XIRP2: variants seen among roughly 807,000 people sequenced by gnomAD.
XIRP2 encodes xin actin binding repeat containing 2.
XIRP2 carries 236 observed loss-of-function variants against 277.0 expected under a neutral mutation model. That is an observed-to-expected ratio of 0.85 (90% CI 0.77 to 0.95). The LOEUF (loss-of-function observed/expected upper bound fraction) is 0.95, where lower values mean the gene tolerates loss of function less well. Ranked by LOEUF, XIRP2 falls within the 40% of genes least tolerant of loss-of-function variation. The pLI, the probability that XIRP2 is intolerant of heterozygous loss-of-function variation, is 0.00. For missense variants in XIRP2, 4,640 were observed against 4,157.5 expected, an observed-to-expected ratio of 1.12 and a Z score of -3.19; for synonymous variants, 1,490 against 1,416.5, an observed-to-expected ratio of 1.05 and a Z score of -1.17.
intron 2 of XIRP2, among the ~76,000 whole-genome samples, chr2:167,042,518 AAACG>A (rs1424779848): frequency 6.6e-6 from 1 of 152,140 alleles, no homozygotes; most frequent in African/African-American, 2.4e-5. Context: ...ATAGAAAATG[AAACG>A]AACGAACAAA....
At chr2:166,952,038 T>G (rs1320320195) in intron 2 of XIRP2, among the ~76,000 whole-genome samples, 1 of 152,044 alleles carries the variant, frequency 6.6e-6, no homozygotes, top group Non-Finnish European at 1.5e-5. Flanking sequence ...GATAATAACA[T>G]TACCTGCCCT....
In XIRP2 at chr2:167,246,785, T is replaced by G. The variant is rs746460129; in HGVS notation, c.5393T>G (p.Leu1798Arg). ...TKLLLKKRQS[L>R]VERTVSETDI... ...CTGTTACTGAAGAAAAGGCAGTCTC[T>G]GGTTGAACGTACTGTTAGTGAAACT... The change falls in exon 9 of 11, where the codon CTG becomes CGG. Residue 1798 changes from leucine (L) to arginine (R), a missense_variant. Coordinates refer to ENST00000409195, the MANE Select transcript of XIRP2 (RefSeq NM_152381.6). 6.2e-7 allele frequency: 1 copy of G among 1,613,894 alleles called. No homozygotes were observed. The highest frequency in any genetic ancestry group is 8.5e-7 in the Non-Finnish European group (1 of 1,179,852).
At chr2:167,179,521 C>T (rs550893044) in intron 3 of XIRP2, among the ~76,000 whole-genome samples, 97 of 152,062 alleles carry the variant, frequency 6.4e-4, no homozygotes, top group African/African-American at 2.2e-3. Flanking sequence ...AGGGTTTCAC[C>T]GTATTAGCCA....
At chr2:167,201,898 A>G (rs1003326002) in intron 3 of XIRP2, among the ~76,000 whole-genome samples, 4 of 152,210 alleles carry the variant, frequency 2.6e-5, no homozygotes, top group Admixed American at 2.6e-4. Context: ...AGTTGTATGC[A>G]GAAATACTTG....
At chr2:167,023,441 C>A (rs1688047575) in intron 2 of XIRP2, among the ~76,000 whole-genome samples, 1 of 151,858 alleles carries the variant, frequency 6.6e-6, no homozygotes, top group African/African-American at 2.4e-5. Context: ...TTTTGCTGTG[C>A]AGAAGCTCTT....
intron 2 of XIRP2, among the ~76,000 whole-genome samples, chr2:166,951,538 TA>T (rs1266667899): frequency 6.6e-6 from 1 of 151,910 alleles, no homozygotes; most frequent in Non-Finnish European, 1.5e-5. Context: ...AAAAAAAATT[TA>T]GAAAGAACAT....
chr2:167,028,213 T>C (rs2105499053), intron 2 of XIRP2, among the ~76,000 whole-genome samples: 2 of 152,192 alleles, frequency 1.3e-5, no homozygotes, highest in East Asian at 1.9e-4. Flanking sequence ...ATTTGCAAAA[T>C]TTCTTTTATT....
intron 2 of XIRP2, among the ~76,000 whole-genome samples, chr2:166,981,070 T>C (rs1055189943): frequency 6.6e-6 from 1 of 152,170 alleles, no homozygotes; most frequent in Non-Finnish European, 1.5e-5. Context: ...GTATTTGCAG[T>C]ATATGTTATA....
intron 2 of XIRP2, among the ~76,000 whole-genome samples, chr2:167,038,399 T>C (rs1688572817): frequency 6.6e-6 from 1 of 151,816 alleles, no homozygotes; most frequent in Middle Eastern, 3.2e-3. Context: ...GCTTTATCTG[T>C]ATTTCATCCT....
At chr2:167,190,948 C>A (rs1573944666) in intron 3 of XIRP2, among the ~76,000 whole-genome samples, 1 of 151,908 alleles carries the variant, frequency 6.6e-6, no homozygotes, top group South Asian at 2.1e-4. Context: ...ACGCCTGTAA[C>A]CCCAGCACTT....
chr2:167,014,389 A>G (rs1687765951), intron 2 of XIRP2, among the ~76,000 whole-genome samples: 1 of 151,810 alleles, frequency 6.6e-6, no homozygotes, highest in Non-Finnish European at 1.5e-5. Context: ...ATAACAACAG[A>G]GAAAATCAAG....
At chr2:167,047,372 G>C (rs1248424876) in intron 2 of XIRP2, among the ~76,000 whole-genome samples, 1 of 151,558 alleles carries the variant, frequency 6.6e-6, no homozygotes, top group Non-Finnish European at 1.5e-5. Flanking sequence ...GCTTCACCGA[G>C]ATAACATTAC....
chr2:167,068,261 A>G (rs987451148), intron 2 of XIRP2, among the ~76,000 whole-genome samples: 3 of 152,184 alleles, frequency 2.0e-5, no homozygotes, highest in African/African-American at 7.2e-5. Context: ...AAAAAAACAA[A>G]CAAACACACA....
intron 2 of XIRP2, among the ~76,000 whole-genome samples, chr2:166,915,362 G>A (rs1426223638): frequency 7.0e-6 from 1 of 142,752 alleles, no homozygotes; most frequent in Non-Finnish European, 1.5e-5. Context: ...AACACAAAAA[G>A]CATGTGGGAT....
intron 2 of XIRP2, among the ~76,000 whole-genome samples, chr2:167,103,510 G>C (rs1478722493): frequency 6.6e-6 from 1 of 152,126 alleles, no homozygotes; most frequent in Non-Finnish European, 1.5e-5. Flanking sequence ...CAAACCTTGA[G>C]ATTTAGAGAG....
In XIRP2 at chr2:167,250,419, A is replaced by G. The variant is rs762168315; in HGVS notation, c.9027A>G (p.Lys3009=). Residue 3009 remains lysine (K), a synonymous_variant, in exon 9 of 11, where the codon AAA becomes AAG. Transcript: ENST00000409195. Reference sequence around the variant, plus strand: ...TGGAGAATAATTTAGAAAAAGTAAAAGAAGAAATAACACATATTAAAACTC... The same window carrying G: ...TGGAGAATAATTTAGAAAAAGTAAAGGAAGAAATAACACATATTAAAACTC... ...IAMENNLEKV[K]EEITHIKTQA... is the part of the protein sequence containing the mutation. 12 of 1,613,316 alleles carry G rather than the reference A, an allele frequency of 7.4e-6. No individual in the cohort carries two copies. The African/African-American group carries it at 8.0e-5, about 11-fold the overall frequency.
At chr2:166,894,180 T>C (rs1271016006) in intron 1 of XIRP2, among the ~76,000 whole-genome samples, 1 of 152,164 alleles carries the variant, frequency 6.6e-6, no homozygotes, top group Non-Finnish European at 1.5e-5. Flanking sequence ...ATTCTTACAA[T>C]GACAGAGATC....
chr2:167,023,762 T>A (rs2105489769), intron 2 of XIRP2, among the ~76,000 whole-genome samples: 1 of 152,316 alleles, frequency 6.6e-6, no homozygotes, highest in East Asian at 1.9e-4. Flanking sequence ...GATCAGATGG[T>A]TGTAGATATG....
At chr2:167,137,056 A>T (rs1000700846) in intron 3 of XIRP2, among the ~76,000 whole-genome samples, 1 of 152,196 alleles carries the variant, frequency 6.6e-6, no homozygotes, top group East Asian at 1.9e-4. Context: ...AGGATCCTCA[A>T]ATGATTCATG....
Sources: allele counts gnomAD v4.1 joint callset (sites outside exome capture counted in the v4.1 genomes callset), GRCh38; gene constraint gnomAD v4.1.1; transcripts MANE v1.5; gene names NCBI Gene and HGNC (gene_info 2026-07-23, HGNC 2026-07-21).